The following PEX5L variants were observed in gnomAD, a reference collection of about 807,000 sequenced individuals.
The protein encoded by PEX5L is peroxisomal biogenesis factor 5 like.
In PEX5L, 30 loss-of-function variants were observed where a neutral mutation model predicts 84.0. That is an observed-to-expected ratio of 0.36 (90% CI 0.27 to 0.48). The LOEUF is 0.48. PEX5L is among the 20% of genes least tolerant of loss of function. PEX5L has a pLI of 0.99. For synonymous variants in PEX5L, 270 were observed against 283.1 expected (o/e 0.95, Z 0.46); for missense variants, 533 against 754.6 (o/e 0.71, Z 3.44).
intron 1 of PEX5L, among the ~76,000 whole-genome samples, chr3:180,031,781 T>C (rs889354407): frequency 6.6e-6 from 1 of 152,230 alleles, no homozygotes; most frequent in Non-Finnish European, 1.5e-5. Flanking sequence ...ACATGGTGTA[T>C]CACATCTTAA....
intron 1 of PEX5L, among the ~76,000 whole-genome samples, chr3:180,011,760 C>G (rs1016370742): frequency 3.3e-5 from 5 of 152,150 alleles, no homozygotes; most frequent in African/African-American, 1.2e-4. Context: ...CTCTTTCATC[C>G]CTTCCTCCTG....
intron 1 of PEX5L, among the ~76,000 whole-genome samples, chr3:179,987,703 G>GC (rs1786984975): frequency 6.6e-6 from 1 of 152,204 alleles, no homozygotes. Context: ...CTCAGGTGCT[G>GC]CTAAGTAACT....
At chr3:179,962,414 CTTAACT>C (rs1195625426) in intron 2 of PEX5L, among the ~76,000 whole-genome samples, 1 of 152,156 alleles carries the variant, frequency 6.6e-6, no homozygotes, top group African/African-American at 2.4e-5. Flanking sequence ...CCAAGACTTG[CTTAACT>C]TATTTTGATT....
chr3:179,965,426 T>C (rs773069518), intron 2 of PEX5L, among the ~76,000 whole-genome samples: 1 of 152,172 alleles, frequency 6.6e-6, no homozygotes, highest in Non-Finnish European at 1.5e-5. Flanking sequence ...ATTGTACAGA[T>C]GAAAAAATGT....
intron 8 of PEX5L, among the ~76,000 whole-genome samples, chr3:179,842,770 A>C (rs990607951): frequency 6.6e-6 from 1 of 152,184 alleles, no homozygotes; most frequent in Non-Finnish European, 1.5e-5. Context: ...GTCCTCAAGA[A>C]CTTCACAGGA....
At position 179,937,717 on chromosome 3, in the gene PEX5L, C is replaced by T. The variant is rs1004481218; in HGVS notation, c.93+33877G>A. Reference sequence around the variant, plus strand: ...AGAATGTCCTAATTTTTTCTGAGTACCTGCTTGTAAGGATTTGGTAACTCT... The same window carrying T: ...AGAATGTCCTAATTTTTTCTGAGTATCTGCTTGTAAGGATTTGGTAACTCT... On this transcript the variant is annotated intron_variant, in intron 2 of 14. Coordinates refer to ENST00000467460, the MANE Select transcript of PEX5L (RefSeq NM_016559.3). 4.6e-5 allele frequency among the ~76,000 whole-genome samples: 7 copies of T among 152,202 alleles called. No individual in the cohort carries two copies. In the East Asian group the frequency reaches 1.4e-3, roughly 29 times the overall value.
chr3:179,844,814 A>G (rs1250987112), intron 8 of PEX5L, among the ~76,000 whole-genome samples: 1 of 152,240 alleles, frequency 6.6e-6, no homozygotes, highest in African/African-American at 2.4e-5. Flanking sequence ...TGGGCGACAG[A>G]GCGAGACTCC....
chr3:179,992,312 T>A (rs1458892492), intron 1 of PEX5L, among the ~76,000 whole-genome samples: 3 of 152,228 alleles, frequency 2.0e-5, no homozygotes, highest in Non-Finnish European at 4.4e-5. Flanking sequence ...TTCCCCCATG[T>A]TACAGATAAG....
chr3:179,820,861 C>T (rs1728251854), intron 8 of PEX5L, among the ~76,000 whole-genome samples: 1 of 152,112 alleles, frequency 6.6e-6, no homozygotes, highest in Non-Finnish European at 1.5e-5. Flanking sequence ...TTAAGAGAGA[C>T]AGAATTTTCC....
chr3:179,963,631 T>C lies in PEX5L; in HGVS notation c.93+7963A>G, dbSNP rs1434987078. Among the ~76,000 whole-genome samples the C allele has an allele frequency of 2.0e-5, 3 of 152,176 alleles. No individual in the cohort carries two copies. In the East Asian group the frequency reaches 5.8e-4, roughly 29 times the overall value. On this transcript the variant is annotated intron_variant, in intron 2 of 14. Transcript: ENST00000467460. ...GACTATTTTGTCTGATTATATACTG[T>C]TTAAAATTTTAAAAAAGATTATAAA...
chr3:179,804,808 G>T (rs1439762671), intron 14 of PEX5L, among the ~76,000 whole-genome samples: 1 of 152,128 alleles, frequency 6.6e-6, no homozygotes, highest in Admixed American at 6.5e-5. Context: ...CTTCTTTTCA[G>T]AATTCATTTA....
At position 180,005,201 on chromosome 3, in the gene PEX5L, T is replaced by A. The variant is rs150281228; in HGVS notation, c.21+31378A>T. 8.7e-3 allele frequency among the ~76,000 whole-genome samples: 1,328 copies of A among 152,328 alleles called. 23 individuals carry two copies. The highest frequency in any genetic ancestry group is 0.031 in the African/African-American group (1,273 of 41,576). On this transcript the variant is annotated intron_variant, in intron 1 of 14. Transcript: ENST00000467460. ...AATGAATTACTCTGCATCAAATTGCTACTTCTGAAAATAGCTAAGTGTAAA... is the reference window on the plus strand; with the variant it reads ...AATGAATTACTCTGCATCAAATTGCAACTTCTGAAAATAGCTAAGTGTAAA...
chr3:179,999,165 T>C (rs1233450118), intron 1 of PEX5L, among the ~76,000 whole-genome samples: 1 of 152,150 alleles, frequency 6.6e-6, no homozygotes, highest in Non-Finnish European at 1.5e-5. Flanking sequence ...AGAAGCATGA[T>C]TGGAAAATTG....
chr3:179,907,343 G>T (rs1016946278), intron 2 of PEX5L, among the ~76,000 whole-genome samples: 5 of 152,016 alleles, frequency 3.3e-5, no homozygotes, highest in African/African-American at 1.2e-4. Context: ...TTGAGATGGG[G>T]TCTCTGTTGC....
At chr3:179,928,232 T>C (rs1274848002) in intron 2 of PEX5L, among the ~76,000 whole-genome samples, 4 of 152,258 alleles carry the variant, frequency 2.6e-5, no homozygotes, top group Non-Finnish European at 5.9e-5. Context: ...TGGGCTTATA[T>C]GCTCCTGCAT....
intron 2 of PEX5L, among the ~76,000 whole-genome samples, chr3:179,929,916 G>A (rs182206987): frequency 2.2e-4 from 33 of 152,254 alleles, no homozygotes; most frequent in African/African-American, 7.0e-4. Context: ...CTAAAACCAC[G>A]GGCTTCCACA....
chr3:179,825,179 G>A (rs1729975978), intron 8 of PEX5L, among the ~76,000 whole-genome samples: 2 of 152,314 alleles, frequency 1.3e-5, no homozygotes, highest in South Asian at 4.1e-4. Flanking sequence ...CAACTCACCT[G>A]CTAACACAAT....
At chr3:179,901,699 G>T (rs1761399627) in intron 2 of PEX5L, among the ~76,000 whole-genome samples, 1 of 152,086 alleles carries the variant, frequency 6.6e-6, no homozygotes, top group African/African-American at 2.4e-5. Flanking sequence ...CTTTCCTGTG[G>T]AAAATTATTT....
At chr3:179,966,116 A>G (rs1182659647) in intron 2 of PEX5L, among the ~76,000 whole-genome samples, 1 of 152,162 alleles carries the variant, frequency 6.6e-6, no homozygotes, top group African/African-American at 2.4e-5. Flanking sequence ...TCATCGATCA[A>G]TCTTTCCTGA....
Sources: gnomAD v4.1 joint callset for allele counts (sites outside exome capture counted in the v4.1 genomes callset) on GRCh38, gnomAD v4.1.1 for gene constraint, MANE v1.5 for transcripts, NCBI Gene and HGNC (gene_info 2026-07-23, HGNC 2026-07-21) for gene names.